PPARGC1A: variants seen among roughly 807,000 people sequenced by gnomAD.
The protein encoded by PPARGC1A is PPARG coactivator 1 alpha.
PPARGC1A carries 25 observed loss-of-function variants against 88.7 expected under a neutral mutation model. The ratio of observed to expected loss-of-function variants is 0.28; its 90% CI spans 0.21 to 0.39. PPARGC1A has a LOEUF of 0.39. Ranked by LOEUF, PPARGC1A falls within the 10% of genes least tolerant of loss-of-function variation. The pLI is 1.00. For synonymous variants in PPARGC1A, 363 were observed against 355.6 expected, an observed-to-expected ratio of 1.02 and a Z score of -0.24; for missense variants, 880 against 968.7, an observed-to-expected ratio of 0.91 and a Z score of 1.22.
chr4:23,909,983 G>A, the PPARGC1A span, among the ~76,000 whole-genome samples: 6 of 150,252 alleles, frequency 4.0e-5, no homozygotes, highest in Non-Finnish European at 5.9e-5. Flanking sequence ...AGCTGCTAAC[G>A]TGATTTTATT....
chr4:23,993,738 A>G, the PPARGC1A span, among the ~76,000 whole-genome samples: 3 of 152,170 alleles, frequency 2.0e-5, no homozygotes, highest in African/African-American at 7.2e-5. Context: ...GGCTCTTGGG[A>G]TTGCTCATTA....
chr4:23,946,336 C>G, the PPARGC1A span, among the ~76,000 whole-genome samples: 66 of 152,240 alleles, frequency 4.3e-4, no homozygotes, highest in African/African-American at 1.4e-3. Context: ...AGAGAGAGAG[C>G]CTCAAATGAA....
chr4:23,963,229 C>T, the PPARGC1A span, among the ~76,000 whole-genome samples: 2 of 152,178 alleles, frequency 1.3e-5, no homozygotes, highest in Non-Finnish European at 2.9e-5. Flanking sequence ...AGGAAAATAG[C>T]TAGGGATATT....
chr4:24,203,365 C>G, the PPARGC1A span, among the ~76,000 whole-genome samples: 1 of 152,090 alleles, frequency 6.6e-6, no homozygotes, highest in Non-Finnish European at 1.5e-5. Context: ...ATGGTAAAAC[C>G]CTGTCTCTAC....
the PPARGC1A span, among the ~76,000 whole-genome samples, chr4:24,361,793 G>A: frequency 6.6e-6 from 1 of 152,144 alleles, no homozygotes; most frequent in South Asian, 2.1e-4. Context: ...TTGTTGAGCG[G>A]GTAAAGCCTG....
chr4:24,469,153 A>G, the PPARGC1A span, among the ~76,000 whole-genome samples: 1 of 152,166 alleles, frequency 6.6e-6, no homozygotes, highest in East Asian at 1.9e-4. Flanking sequence ...AACAAGTCTC[A>G]CTCTTGCAAA....
chr4:23,914,336 A>T, the PPARGC1A span, among the ~76,000 whole-genome samples: 1 of 152,206 alleles, frequency 6.6e-6, no homozygotes, highest in African/African-American at 2.4e-5. Context: ...ACATTCACAT[A>T]CTGCCTTTTC....
intron 2 of PPARGC1A, chr4:23,879,986 T>A (rs1483240332): frequency 6.6e-6 from 1 of 152,188 alleles, no homozygotes; most frequent in Non-Finnish European, 1.5e-5. Flanking sequence ...TGCTCTTCTC[T>A]TACAAGGCTT....
chr4:24,009,150 A>AAAAAAAAAAAAAAAAAAG, the PPARGC1A span, among the ~76,000 whole-genome samples: 1 of 79,798 alleles, frequency 1.3e-5, no homozygotes, highest in African/African-American at 5.9e-5. Flanking sequence ...AAAAAAAAAA[A>AAAAAAAAAAAAAAAAAAG]AGAGAGAGAA....
chr4:24,444,922 G>A, the PPARGC1A span, among the ~76,000 whole-genome samples: 18 of 152,188 alleles, frequency 1.2e-4, no homozygotes, highest in Middle Eastern at 6.8e-3. Flanking sequence ...ACGTGGTGGC[G>A]CACACCTGTA....
chr4:23,920,799 G>A, the PPARGC1A span, among the ~76,000 whole-genome samples: 5 of 152,178 alleles, frequency 3.3e-5, no homozygotes, highest in East Asian at 7.7e-4. Context: ...CCCTGCTACT[G>A]AAATGACTGA....
At chr4:24,352,404 G>A in the PPARGC1A span, among the ~76,000 whole-genome samples, 54,637 of 151,994 alleles carry the variant, frequency 0.36, 10,149 homozygotes, top group Non-Finnish European at 0.4. Flanking sequence ...GAAGGTTCTA[G>A]AAGCACAATC....
upstream of PPARGC1A, among the ~76,000 whole-genome samples, chr4:23,902,153 C>A (rs1719483828): frequency 6.6e-6 from 1 of 151,996 alleles, no homozygotes; most frequent in Non-Finnish European, 1.5e-5. Context: ...AAGTCAAAGA[C>A]ATTAAAATTA....
chr4:23,857,718 A>G (rs1382222541), intron 2 of PPARGC1A, among the ~76,000 whole-genome samples: 1 of 151,778 alleles, frequency 6.6e-6, no homozygotes, highest in Non-Finnish European at 1.5e-5. Flanking sequence ...CTGGATACAC[A>G]CCGAGAGCCA....
the PPARGC1A span, among the ~76,000 whole-genome samples, chr4:24,470,649 G>T: frequency 5.9e-5 from 9 of 151,898 alleles, no homozygotes; most frequent in African/African-American, 1.9e-4. This position sits in a 1 kb window ranked among gnomAD's most constrained non-coding sequence, Gnocchi z 5.8. Flanking sequence ...CACTCCGCGC[G>T]CCTGGGCTGC....
chr4:23,913,665 T>C, the PPARGC1A span, among the ~76,000 whole-genome samples: 1 of 152,208 alleles, frequency 6.6e-6, no homozygotes, highest in Non-Finnish European at 1.5e-5. Context: ...ATTATGTTCT[T>C]AGGTCTTAAA....
At chr4:24,209,367 G>A in the PPARGC1A span, among the ~76,000 whole-genome samples, 1 of 152,182 alleles carries the variant, frequency 6.6e-6, no homozygotes, top group Non-Finnish European at 1.5e-5. Flanking sequence ...TCCCAACACA[G>A]GGAAATTTTT....
chr4:24,120,737 T>C, the PPARGC1A span, among the ~76,000 whole-genome samples: 5 of 152,056 alleles, frequency 3.3e-5, no homozygotes, highest in East Asian at 5.8e-4. Flanking sequence ...AAAGAGGCCA[T>C]GGAGACCCCT....
the PPARGC1A span, among the ~76,000 whole-genome samples, chr4:24,039,046 C>T: frequency 0.15 from 22,632 of 152,102 alleles, 2,083 homozygotes; most frequent in East Asian, 0.27. Context: ...TAAATATCAT[C>T]GTAAGTAATT....
Sources: allele counts gnomAD v4.1 joint callset (sites outside exome capture counted in the v4.1 genomes callset), GRCh38; gene constraint gnomAD v4.1.1; non-coding constraint Gnocchi (gnomAD v3.1); transcripts MANE v1.5; gene names NCBI Gene and HGNC (gene_info 2026-07-23, HGNC 2026-07-21).